Variants in UGT2A3 observed in about 807,000 individuals in gnomAD.
UGT2A3 encodes UDP-glucuronosyltransferase 2A3.
A neutral mutation model predicts 44.1 loss-of-function variants in UGT2A3; 55 were observed. The ratio of observed to expected loss-of-function variants is 1.25; its 90% confidence interval spans 1.00 to 1.56. The LOEUF (loss-of-function observed/expected upper bound fraction) is 1.56. UGT2A3 is among the 40% of genes most tolerant of loss of function. The pLI, the probability that UGT2A3 is intolerant of heterozygous loss-of-function variation, is 0.00. For missense variants in UGT2A3, 733 were observed against 621.6 expected, an observed-to-expected ratio of 1.18 and a Z score of -1.91; for synonymous variants, 243 against 215.1, an observed-to-expected ratio of 1.13 and a Z score of -1.13.
rs1253065257 is a variant in UGT2A3 at position 68,928,900 on chromosome 4, A to G, written c.*913T>C. ...GCAGTTCACTGATCTTACTTTCAGA[A>G]CAAGCATCTCTTTATTTTTCTACAG... On this transcript the variant is annotated 3_prime_UTR_variant, in exon 6 of 6. Coordinates refer to ENST00000251566, the MANE Select transcript of UGT2A3 (RefSeq NM_024743.4). The G allele has an allele frequency of 6.6e-6, 1 of 152,080 alleles. No homozygotes were observed. Among genetic ancestry groups the G allele is most frequent in the Non-Finnish European group, 1.5e-5 (1 of 67,976 alleles). 9.4% of individuals were successfully genotyped at this position (152,080 alleles called of 1,614,324 possible).
chr4:68,940,467 A>G (rs2109787517), intron 2 of UGT2A3, among the ~76,000 whole-genome samples: 1 of 152,150 alleles, frequency 6.6e-6, no homozygotes, highest in South Asian at 2.1e-4. Context: ...CAAACACTGC[A>G]TGTTCTCACT....
At chr4:68,948,392 T>C (rs1349592579) in intron 1 of UGT2A3, among the ~76,000 whole-genome samples, 1 of 151,506 alleles carries the variant, frequency 6.6e-6, no homozygotes, top group Non-Finnish European at 1.5e-5. Flanking sequence ...TGCCAAAACC[T>C]AAGGTGATGT....
At chr4:68,940,772 C>CAT (rs925304510) in intron 2 of UGT2A3, among the ~76,000 whole-genome samples, 4 of 146,958 alleles carry the variant, frequency 2.7e-5, no homozygotes, top group African/African-American at 9.9e-5. Context: ...CACATATATA[C>CAT]ATATATATAA....
chr4:68,930,264 G>A (rs1467277063), intron 5 of UGT2A3, among the ~76,000 whole-genome samples, 172 bp from the exon 6 acceptor site: 1 of 152,044 alleles, frequency 6.6e-6, no homozygotes, highest in Non-Finnish European at 1.5e-5. Context: ...AGATATAGTG[G>A]AGAGACTGAA....
At chr4:68,931,613 A>G (rs536919868) in intron 3 of UGT2A3, among the ~76,000 whole-genome samples, 1 of 152,174 alleles carries the variant, frequency 6.6e-6, no homozygotes, top group Non-Finnish European at 1.5e-5. Context: ...AGCCAATCTC[A>G]TTCTACCATC....
At chr4:68,944,109 T>G (rs879405015) in intron 2 of UGT2A3, among the ~76,000 whole-genome samples, 1 of 151,858 alleles carries the variant, frequency 6.6e-6, no homozygotes, top group Non-Finnish European at 1.5e-5. Flanking sequence ...TGTTATTTTA[T>G]GTGTTTGGTT....
intron 1 of UGT2A3, among the ~76,000 whole-genome samples, chr4:68,947,387 AT>A (rs1560462744): frequency 1.3e-5 from 2 of 151,792 alleles, no homozygotes; most frequent in African/African-American, 4.8e-5. Flanking sequence ...TTATCATGAT[AT>A]TATAGCAATT....
chr4:68,943,308 C>A, intron 2 of UGT2A3: 1 of 1,268,804 alleles, frequency 7.9e-7, no homozygotes, highest in Non-Finnish European at 1.0e-6. Context: ...ATTGTCAGCT[C>A]TCCTTCTGTA....
intron 2 of UGT2A3, among the ~76,000 whole-genome samples, chr4:68,942,802 G>A (rs1025979542): frequency 6.6e-6 from 1 of 151,432 alleles, no homozygotes; most frequent in East Asian, 1.9e-4. Context: ...TGGATACAAC[G>A]TTTAAATTTG....
chr4:68,934,249 G>T (rs916646667), intron 2 of UGT2A3, among the ~76,000 whole-genome samples: 1 of 151,734 alleles, frequency 6.6e-6, no homozygotes, highest in African/African-American at 2.4e-5. Flanking sequence ...GAGAATTGAG[G>T]AAGAAATCAG....
intron 2 of UGT2A3, among the ~76,000 whole-genome samples, chr4:68,935,411 G>A (rs188468592): frequency 6.0e-4 from 91 of 150,692 alleles, no homozygotes; most frequent in Non-Finnish European, 1.1e-3. Flanking sequence ...GTGATACCAG[G>A]CAAACAGGGT....
At chr4:68,943,625 C>T (rs1014200352) in intron 2 of UGT2A3, among the ~76,000 whole-genome samples, 1 of 151,688 alleles carries the variant, frequency 6.6e-6, no homozygotes, top group African/African-American at 2.4e-5. Context: ...TCTGGCTATG[C>T]ATTTAAAATA....
Position 68,945,332 on chromosome 4 carries a change from A to C in UGT2A3, c.838T>G (p.Cys280Gly). 4 of 1,611,476 alleles carry C rather than the reference A, an allele frequency of 2.5e-6. No homozygotes were observed. The South Asian group carries it at 4.4e-5, about 18-fold the overall frequency. ...PNFEFVGGLH[C>G]KPAKALPKEM... ...TTAGGCAAAGCTTTGGCAGGTTTAC[A>C]GTGCAATCCTCCAACAAACTCAAAG... Residue 280 changes from cysteine (C) to glycine (G), a missense_variant, in exon 2 of 6, where the codon TGT (cysteine) becomes GGT (glycine). Transcript: ENST00000251566.
In UGT2A3 at chr4:68,929,653, T is replaced by G; in HGVS notation, c.*160A>C. 2 of 616,998 alleles carry G rather than the reference T, an allele frequency of 3.2e-6. No homozygotes were observed. The highest frequency in any genetic ancestry group is 5.4e-6 in the Non-Finnish European group (2 of 368,750). The allele number at this position is 616,998 out of a possible 1,614,324, so 38.2% of individuals were successfully genotyped here. ...CACCTAGGAAAATACAACGAAAGAA[T>G]GAGATATACTCACAACCTCATGATC... On this transcript the variant is annotated 3_prime_UTR_variant, in exon 6 of 6. Coordinates refer to ENST00000251566, the MANE Select transcript of UGT2A3 (RefSeq NM_024743.4).
Position 68,951,559 on chromosome 4 carries a change from T to C in UGT2A3, c.202A>G (p.Lys68Glu), listed in dbSNP as rs1560465027. Reference sequence around the variant, plus strand: ...ACCTCAAATTTCAATGCAGAAGGCTTCCTGTAGTCAATTAACGAAGGCTTT... The same window carrying C: ...ACCTCAAATTTCAATGCAGAAGGCTCCCTGTAGTCAATTAACGAAGGCTTT... ...HSKPSLIDYRKPSALKFEVVH... is the reference protein window; with the variant it reads ...HSKPSLIDYREPSALKFEVVH... The change falls in exon 1 of 6, where the codon AAG (lysine) becomes GAG (glutamate). Residue 68 changes from lysine (K) to glutamate (E), a missense_variant. Physicochemically the swap from Lys to Glu is moderately conservative, Grantham distance 56. Coordinates refer to ENST00000251566, the MANE Select transcript of UGT2A3 (RefSeq NM_024743.4). The C allele has an allele frequency of 1.2e-5, 20 of 1,613,118 alleles. No individual in the cohort carries two copies. The highest frequency in any genetic ancestry group is 1.6e-5 in the Non-Finnish European group (19 of 1,179,490).
In UGT2A3 at chr4:68,932,668, G is replaced by A; in HGVS notation, c.956C>T (p.Ala319Val). Residue 319 changes from alanine to valine, a missense_variant, in exon 3 of 6, where the codon GCT becomes GTT. Ala to Val is a moderately conservative substitution (Grantham distance 64, BLOSUM62 0). Transcript: ENST00000251566. Reference protein sequence around the residue: ...SLFQNVTEEKANIIASALAQI... With the variant: ...SLFQNVTEEKVNIIASALAQI... ...GGCAAGGGCTGAAGCAATGATATTA[G>A]CCTTTTCTTCTGTAACATTTTGAAA... is the stretch of plus-strand genomic sequence containing the variant. 1.2e-6 allele frequency: 2 copies of A among 1,611,622 alleles called. No homozygotes were observed. The highest frequency in any genetic ancestry group is 1.7e-6 in the Non-Finnish European group (2 of 1,178,700).
At chr4:68,940,481 A>G (rs1198277464) in intron 2 of UGT2A3, among the ~76,000 whole-genome samples, 1 of 151,992 alleles carries the variant, frequency 6.6e-6, no homozygotes, top group Admixed American at 6.6e-5. Flanking sequence ...TCTCACTTTT[A>G]GGTAGGAAGT....
intron 2 of UGT2A3, among the ~76,000 whole-genome samples, chr4:68,934,596 G>T (rs1273073823): frequency 6.6e-6 from 1 of 151,900 alleles, no homozygotes; most frequent in Non-Finnish European, 1.5e-5. Flanking sequence ...AGCAAATCAG[G>T]CATAGAGGCT....
intron 1 of UGT2A3, among the ~76,000 whole-genome samples, chr4:68,949,138 C>T (rs1234479897): frequency 6.6e-6 from 1 of 151,850 alleles, no homozygotes; most frequent in Admixed American, 6.6e-5. Context: ...ATGACCCTAA[C>T]ACTTCCCATC....
Sources: allele counts gnomAD v4.1 joint callset (sites outside exome capture counted in the v4.1 genomes callset), GRCh38; gene constraint gnomAD v4.1.1; transcripts MANE v1.5; gene names NCBI Gene and HGNC (gene_info 2026-07-23, HGNC 2026-07-21).